The following GRIK2 variants were observed in gnomAD, a reference collection of about 807,000 sequenced individuals.
The protein encoded by GRIK2 is glutamate receptor ionotropic, kainate 2.
GRIK2 carries 32 observed loss-of-function variants against 100.3 expected under a neutral mutation model. That is an observed-to-expected ratio of 0.32 (90% CI 0.24 to 0.43). The LOEUF (loss-of-function observed/expected upper bound fraction) is 0.43. GRIK2 is among the 20% of genes least tolerant of loss of function. GRIK2 has a pLI of 1.00. For missense variants in GRIK2, 843 were observed against 1,114.9 expected, an observed-to-expected ratio of 0.76 and a Z score of 3.47; for synonymous variants, 417 against 389.4, an observed-to-expected ratio of 1.07 and a Z score of -0.83.
intron 7 of GRIK2, among the ~76,000 whole-genome samples, chr6:101,763,563 C>T (rs1583101078): frequency 6.6e-6 from 1 of 152,118 alleles, no homozygotes; most frequent in Admixed American, 6.5e-5. Context: ...AAATCAATCC[C>T]CTTTTGAATT....
intron 2 of GRIK2, among the ~76,000 whole-genome samples, chr6:101,534,195 T>G (rs973967952): frequency 6.6e-6 from 1 of 151,854 alleles, no homozygotes. Flanking sequence ...CTGCTTTCAG[T>G]AGACAGATCC....
intron 2 of GRIK2, among the ~76,000 whole-genome samples, chr6:101,616,072 C>T (rs1159990386): frequency 1.3e-5 from 2 of 151,672 alleles, no homozygotes; most frequent in Non-Finnish European, 2.9e-5. Context: ...GGATTTGATC[C>T]TCTCTTTTTC....
intron 4 of GRIK2, among the ~76,000 whole-genome samples, chr6:101,629,596 T>C (rs945647364): frequency 6.6e-6 from 1 of 152,158 alleles, no homozygotes. Context: ...TTTGAGAACT[T>C]TGATTATTTA....
chr6:101,622,180 AT>A, intron 3 of GRIK2, 64 bp downstream of exon 3: 2 of 964,854 alleles, frequency 2.1e-6, no homozygotes, highest in Non-Finnish European at 3.2e-6. Context: ...TTCTTAAGAG[AT>A]TTTTTTATTT....
intron 7 of GRIK2, among the ~76,000 whole-genome samples, chr6:101,764,350 T>C (rs1777914673): frequency 6.6e-6 from 1 of 152,058 alleles, no homozygotes; most frequent in Non-Finnish European, 1.5e-5. Context: ...ACCTCTTGAT[T>C]ACTGATGGGG....
chr6:101,406,510 T>C (rs1228903054), intron 2 of GRIK2, among the ~76,000 whole-genome samples: 2 of 152,190 alleles, frequency 1.3e-5, no homozygotes, highest in Non-Finnish European at 2.9e-5. Context: ...GGTTAAGTAT[T>C]GCCCTGTTCC....
chr6:101,440,164 TG>T (rs1769963584), intron 2 of GRIK2, among the ~76,000 whole-genome samples: 1 of 152,062 alleles, frequency 6.6e-6, no homozygotes. Flanking sequence ...AATATTTCCC[TG>T]GAAAAGTGCT....
chr6:102,060,143 T>G (rs1220385248), intron 16 of GRIK2, among the ~76,000 whole-genome samples: 2 of 150,874 alleles, frequency 1.3e-5, no homozygotes, highest in Non-Finnish European at 3.0e-5. Flanking sequence ...TTTTAGGACA[T>G]AGTCTACTTT....
chr6:101,621,721 C>T (rs771866755), intron 2 of GRIK2, among the ~76,000 whole-genome samples: 1 of 151,950 alleles, frequency 6.6e-6, no homozygotes, highest in Admixed American at 6.6e-5. Flanking sequence ...GGCAATTTTA[C>T]CAGTATGGCT....
intron 4 of GRIK2, among the ~76,000 whole-genome samples, chr6:101,675,082 T>C (rs919781247): frequency 6.6e-6 from 1 of 152,124 alleles, no homozygotes; most frequent in Non-Finnish European, 1.5e-5. Context: ...TTGTTAACTA[T>C]AGTAATCCTT....
intron 3 of GRIK2, among the ~76,000 whole-genome samples, chr6:101,624,491 TA>T (rs1422204207): frequency 6.6e-6 from 1 of 152,194 alleles, no homozygotes; most frequent in Non-Finnish European, 1.5e-5. Context: ...GACAATAATT[TA>T]CTTAATTATT....
chr6:101,588,072 G>C (rs1038962749), intron 2 of GRIK2, among the ~76,000 whole-genome samples: 1 of 152,072 alleles, frequency 6.6e-6, no homozygotes, highest in East Asian at 1.9e-4. Flanking sequence ...AGCATTCTCA[G>C]CTCTTTGTGT....
chr6:102,017,934 A>T (rs772117308), intron 14 of GRIK2, among the ~76,000 whole-genome samples: 1 of 152,014 alleles, frequency 6.6e-6, no homozygotes, highest in African/African-American at 2.4e-5. Flanking sequence ...CTTGTTATTT[A>T]CTTTTTCCAT....
rs139709674 is a variant in GRIK2, at chr6:101,612,716, A to ATGTGTG, written c.116-9201_116-9196dup. 7.6e-3 allele frequency among the ~76,000 whole-genome samples: 1,090 copies of ATGTGTG among 143,424 alleles called. 7 individuals are homozygous for ATGTGTG. Among genetic ancestry groups the ATGTGTG allele is most frequent in the Middle Eastern group, 0.021 (6 of 288 alleles). The allele number at this position is 143,424 out of a possible 152,430, so 94.1% of individuals were successfully genotyped here. On this transcript the variant is annotated intron_variant, in intron 2 of 16. Transcript: ENST00000369134. ...GATAAATTTACAGATGTATGTGTTA[A>ATGTGTG]TGTGTGTGTGTGTGTGTGTGTGTGT... is the stretch of plus-strand genomic sequence containing the variant.
intron 12 of GRIK2, among the ~76,000 whole-genome samples, chr6:101,901,652 C>T (rs79839242): frequency 0.087 from 13,227 of 151,622 alleles, 797 homozygotes; most frequent in Middle Eastern, 0.2. Context: ...AAGTTAATTT[C>T]CTATAACAAA....
At chr6:101,780,095 C>A (rs1470206039) in intron 7 of GRIK2, among the ~76,000 whole-genome samples, 1 of 151,870 alleles carries the variant, frequency 6.6e-6, no homozygotes, top group Non-Finnish European at 1.5e-5. Flanking sequence ...TATGTTGAAC[C>A]CTGAAGCATT....
chr6:101,676,526 A>T (rs1029883916), intron 4 of GRIK2, 97 bp from the exon 5 acceptor site: 1 of 690,988 alleles, frequency 1.4e-6, no homozygotes, highest in African/African-American at 1.9e-5. Flanking sequence ...ATGAAATAAG[A>T]AGAAAATTAT....
intron 14 of GRIK2, among the ~76,000 whole-genome samples, chr6:102,031,292 A>G (rs1769986663): frequency 6.6e-6 from 1 of 151,092 alleles, no homozygotes; most frequent in African/African-American, 2.4e-5. Context: ...TCCATAGACA[A>G]TCTGCTTCAT....
At chr6:101,448,448 A>G (rs763936786) in intron 2 of GRIK2, among the ~76,000 whole-genome samples, 3 of 151,580 alleles carry the variant, frequency 2.0e-5, no homozygotes, top group Non-Finnish European at 4.4e-5. Context: ...CCCAAATTTG[A>G]ACTAACCATA....
Sources: gnomAD v4.1 joint callset for allele counts (sites outside exome capture counted in the v4.1 genomes callset) on GRCh38, gnomAD v4.1.1 for gene constraint, MANE v1.5 for transcripts, NCBI Gene and HGNC (gene_info 2026-07-23, HGNC 2026-07-21) for gene names.